The following TMEM245 variants were observed in gnomAD, a reference collection of about 807,000 sequenced individuals.
The protein encoded by TMEM245 is transmembrane protein 245.
TMEM245 carries 69 observed loss-of-function variants against 101.2 expected under a neutral mutation model. The ratio of observed to expected loss-of-function variants is 0.68; its 90% CI spans 0.56 to 0.83. TMEM245 has a LOEUF of 0.83. TMEM245 is among the 40% of genes least tolerant of loss of function. TMEM245 has a pLI of 0.00. For synonymous variants in TMEM245, 537 were observed against 449.8 expected (o/e 1.19, Z -2.45); for missense variants, 1,075 against 1,092.8 (o/e 0.98, Z 0.23).
intron 5 of TMEM245, 92 bp downstream of exon 5, chr9:109,090,830 A>T: frequency 8.8e-7 from 1 of 1,136,600 alleles, no homozygotes; most frequent in Non-Finnish European, 1.2e-6. Context: ...GCAAGACGGT[A>T]AATGTATCTC....
intron 14 of TMEM245, 157 bp from the exon 15 acceptor site, chr9:109,038,274 C>T (rs1246741539): frequency 6.1e-6 from 3 of 491,998 alleles, no homozygotes; most frequent in Non-Finnish European, 1.1e-5. Context: ...GAAACATAAA[C>T]ACCTTACTTT....
At position 109,020,201 on chromosome 9, in the gene TMEM245, T is replaced by C. The variant is rs1588010303; in HGVS notation, c.*259A>G. 1 of 489,604 alleles carries C rather than the reference T, an allele frequency of 2.0e-6. No homozygotes were observed. The allele number at this position is 489,604 out of a possible 1,614,324, so 30.3% of individuals were successfully genotyped here. ...CAAGCCAGGGTACCAGTGTATAAAA[T>C]GAAACTTTTCAAGCCATCTTAACAA... On this transcript the variant is annotated 3_prime_UTR_variant, in exon 18 of 18. Coordinates refer to ENST00000374586, the MANE Select transcript of TMEM245 (RefSeq NM_032012.4).
rs543593548 is a variant in TMEM245 at position 109,075,290 on chromosome 9, T to C, written c.1450-1852A>G. ...AATCTGTTAATGTTTTGTTAAGGAT[T>C]TTTGTGTCTATTTATAAGGGATACT... On this transcript the variant is annotated intron_variant, in intron 8 of 17. Coordinates refer to ENST00000374586, the MANE Select transcript of TMEM245 (RefSeq NM_032012.4). 1.6e-3 allele frequency among the ~76,000 whole-genome samples: 246 copies of C among 152,304 alleles called. 1 individual carries two copies. The highest frequency in any genetic ancestry group is 5.8e-3 in the African/African-American group (242 of 41,570).
chr9:109,096,965 T>C (rs964498158), intron 3 of TMEM245, among the ~76,000 whole-genome samples: 1 of 152,232 alleles, frequency 6.6e-6, no homozygotes, highest in Non-Finnish European at 1.5e-5. Flanking sequence ...GACTAGGCTA[T>C]ATGCTGATAT....
rs563529943 is a variant in TMEM245 at position 109,058,500 on chromosome 9, G to A, written c.1723-1178C>T. 1.6e-4 allele frequency among the ~76,000 whole-genome samples: 24 copies of A among 152,252 alleles called. No homozygotes were observed. In the South Asian group the frequency reaches 4.1e-3, roughly 26 times the overall value. ...TAATCCTACCACTTTGGGAGGCTGA[G>A]GCGAGAGGATCACTTGAGCCTAGCC... On this transcript the variant is annotated intron_variant, in intron 11 of 17. Transcript: ENST00000374586.
At chr9:109,105,394 A>G (rs2132633586) in intron 3 of TMEM245, among the ~76,000 whole-genome samples, 1 of 152,344 alleles carries the variant, frequency 6.6e-6, no homozygotes, top group East Asian at 1.9e-4. Context: ...ATCCTCATAC[A>G]CTGCTGGTAG....
intron 5 of TMEM245, 27 bp from the exon 6 acceptor site, chr9:109,087,369 T>C (rs887018294): frequency 1.1e-5 from 17 of 1,557,646 alleles, no homozygotes; most frequent in Middle Eastern, 1.7e-4. Flanking sequence ...AATACATATA[T>C]AAACAAAATA....
chr9:109,119,001 C>T (rs561267814), intron 1 of TMEM245, among the ~76,000 whole-genome samples: 2 of 152,308 alleles, frequency 1.3e-5, no homozygotes, highest in East Asian at 3.9e-4. Flanking sequence ...CCTCTCCAAC[C>T]AGAAGTAAAA....
intron 14 of TMEM245, 105 bp downstream of exon 14, chr9:109,050,178 A>G (rs1271882502): frequency 1.6e-6 from 2 of 1,285,758 alleles, no homozygotes; most frequent in African/African-American, 3.0e-5. Flanking sequence ...AGAGTCCATC[A>G]CGAGTTTAGC....
chr9:109,032,272 T>C (rs1299769687), intron 17 of TMEM245, among the ~76,000 whole-genome samples: 1 of 151,536 alleles, frequency 6.6e-6, no homozygotes, highest in Non-Finnish European at 1.5e-5. Flanking sequence ...CATGTTCAAA[T>C]TTCCCCAATT....
chr9:109,069,127 T>C (rs1411730993), intron 9 of TMEM245, among the ~76,000 whole-genome samples: 1 of 152,210 alleles, frequency 6.6e-6, no homozygotes, highest in Non-Finnish European at 1.5e-5. Context: ...TGTGAATCTA[T>C]AATTATTACT....
intron 3 of TMEM245, among the ~76,000 whole-genome samples, chr9:109,097,023 A>T (rs1293753106): frequency 2.0e-5 from 3 of 152,226 alleles, no homozygotes; most frequent in Non-Finnish European, 2.9e-5. Context: ...CTTAAGAGCT[A>T]ATGTAAAGTA....
chr9:109,109,781 T>C (rs1042523385), intron 1 of TMEM245, among the ~76,000 whole-genome samples: 2 of 152,160 alleles, frequency 1.3e-5, no homozygotes, highest in Non-Finnish European at 2.9e-5. Flanking sequence ...TAAAATGTTA[T>C]GCAACCATTA....
At chr9:109,036,515 G>A in intron 15 of TMEM245, 135 bp from the exon 16 acceptor site, 1 of 819,778 alleles carries the variant, frequency 1.2e-6, no homozygotes, top group South Asian at 2.3e-5. Context: ...AAATATTAGG[G>A]AAATGATATG....
intron 12 of TMEM245, among the ~76,000 whole-genome samples, chr9:109,055,651 T>A (rs1828811268): frequency 6.7e-6 from 1 of 148,198 alleles, no homozygotes. Flanking sequence ...TTTTTTTTTT[T>A]AAGATGGAGT....
chr9:109,089,301 A>G (rs1332102165), intron 5 of TMEM245, among the ~76,000 whole-genome samples: 2 of 152,178 alleles, frequency 1.3e-5, no homozygotes, highest in African/African-American at 2.4e-5. Context: ...GACAGGCACT[A>G]CTATACCATG....
chr9:109,085,028 C>CAT (rs1222769970), intron 7 of TMEM245, among the ~76,000 whole-genome samples: 1 of 152,184 alleles, frequency 6.6e-6, no homozygotes, highest in Non-Finnish European at 1.5e-5. Flanking sequence ...CCACAAAAGA[C>CAT]ATATATATAG....
intron 5 of TMEM245, among the ~76,000 whole-genome samples, chr9:109,089,587 G>A (rs969555964): frequency 3.9e-5 from 6 of 152,156 alleles, no homozygotes; most frequent in Non-Finnish European, 8.8e-5. Context: ...TAATAAATTT[G>A]GCACAAAATA....
rs1828647157 is a variant in TMEM245 at position 109,050,624 on chromosome 9, G to C, written c.1923C>G (p.Leu641=). 9 of 1,613,616 alleles carry C rather than the reference G, an allele frequency of 5.6e-6. No individual in the cohort carries two copies. Among genetic ancestry groups the C allele is most frequent in the Non-Finnish European group, 7.6e-6 (9 of 1,179,972 alleles). ...VSLLFTTVTT[L]LTILFYSGTA... ...TCCCGCTGTAGAAGAGGATGGTCAA[G>C]AGTGTAGTGACAGTGGTGAACAGCA... Residue 641 remains leucine, a synonymous_variant, in exon 13 of 18, where the codon CTC becomes CTG. Coordinates refer to ENST00000374586, the MANE Select transcript of TMEM245 (RefSeq NM_032012.4).
Sources: gnomAD v4.1 joint callset for allele counts (sites outside exome capture counted in the v4.1 genomes callset) on GRCh38, gnomAD v4.1.1 for gene constraint, MANE v1.5 for transcripts, NCBI Gene and HGNC (gene_info 2026-07-23, HGNC 2026-07-21) for gene names.